The following FLYWCH1 variants were observed in gnomAD, a reference collection of about 807,000 sequenced individuals.
The protein encoded by FLYWCH1 is FLYWCH-type zinc finger 1, also known as FLYWCH-type zinc finger-containing protein 1.
In FLYWCH1, 75 loss-of-function variants were observed where a neutral mutation model predicts 66.4. The observed-to-expected ratio is 1.13, with a 90% confidence interval of 0.94 to 1.37. The LOEUF is 1.37. FLYWCH1 is among the 40% of genes most tolerant of loss of function. The pLI, the probability that FLYWCH1 is intolerant of heterozygous loss-of-function variation, is 0.00. For missense variants in FLYWCH1, 1,334 were observed against 1,001.8 expected, an observed-to-expected ratio of 1.33 and a Z score of -4.48; for synonymous variants, 595 against 429.9, an observed-to-expected ratio of 1.38 and a Z score of -4.75.
intron 9 of FLYWCH1, among the ~76,000 whole-genome samples, chr16:2,942,905 T>C (rs1032743483): frequency 2.0e-5 from 3 of 151,706 alleles, no homozygotes; most frequent in Admixed American, 6.6e-5. Flanking sequence ...TTTCGCTATG[T>C]TGGCTAGGCT....
chr16:2,923,108 T>C (rs760933248), intron 2 of FLYWCH1: 1 of 407,952 alleles, frequency 2.5e-6, no homozygotes, highest in Non-Finnish European at 4.7e-6. Flanking sequence ...GTGGCTGTTG[T>C]GAGGTTCTTT....
At chr16:2,946,876 G>A (rs1424170608) in intron 9 of FLYWCH1, among the ~76,000 whole-genome samples, 1 of 152,084 alleles carries the variant, frequency 6.6e-6, no homozygotes, top group East Asian at 1.9e-4. Context: ...TGGAGAAACT[G>A]GAACCCTCAT....
At chr16:2,931,170 G>C (rs948169244) in intron 4 of FLYWCH1, among the ~76,000 whole-genome samples, 9 of 151,858 alleles carry the variant, frequency 5.9e-5, no homozygotes, top group Non-Finnish European at 1.3e-4. Context: ...GGGCATGCTG[G>C]TGCGCACCTG....
In FLYWCH1 at chr16:2,937,276, C is replaced by G. The variant is rs759248456; in HGVS notation, c.1669C>G (p.Arg557Gly). 5.6e-6 allele frequency: 9 copies of G among 1,605,576 alleles called. No individual in the cohort carries two copies. The highest frequency in any genetic ancestry group is 5.9e-6 in the Non-Finnish European group (7 of 1,177,246). Reference sequence around the variant, plus strand: ...CCGCAGCCGCGCCATCACCCAGGGCCGGCGGGTCATGGTCATGCGCAGGCA... The same window carrying G: ...CCGCAGCCGCGCCATCACCCAGGGCGGGCGGGTCATGGTCATGCGCAGGCA... ...GCRSRAITQG[R>G]RVMVMRRHCH... The change falls in exon 7 of 10, where the codon CGG (arginine) becomes GGG (glycine). Residue 557 changes from arginine (R) to glycine (G), a missense_variant. Physicochemically the swap from Arg to Gly is moderately radical, Grantham distance 125. Coordinates refer to ENST00000253928, the MANE Select transcript of FLYWCH1 (RefSeq NM_001308068.2).
In FLYWCH1 at chr16:2,930,552, G is replaced by T; in HGVS notation, c.468G>T (p.Arg156=). The change falls in exon 4 of 10, where the codon CGG becomes CGT. Residue 156 remains arginine (R), a synonymous_variant. Transcript: ENST00000253928. ...GCCAACATGCTGAGCTGGGCTGCCG[G>T]GGCCGGGCCATCACCCGAGGCCTGC... The part of the protein sequence containing the change: ...KCRQHAELGC[R]GRAITRGLRA... The T allele has an allele frequency of 6.4e-7, 1 of 1,550,976 alleles. No homozygotes were observed. The highest frequency in any genetic ancestry group is 2.4e-5 in the East Asian group (1 of 41,768).
At chr16:2,939,263 T>C (rs890049425) in intron 8 of FLYWCH1, among the ~76,000 whole-genome samples, 1 of 152,076 alleles carries the variant, frequency 6.6e-6, no homozygotes, top group African/African-American at 2.4e-5. Flanking sequence ...CTGATCAACA[T>C]GGAGAAACCC....
At chr16:2,946,958 T>C (rs757980649) in intron 9 of FLYWCH1, among the ~76,000 whole-genome samples, 11 of 152,136 alleles carry the variant, frequency 7.2e-5, no homozygotes, top group African/African-American at 2.4e-4. Flanking sequence ...ATGTTCAACA[T>C]AGAGGTACCC....
Position 2,920,923 on chromosome 16 carries a change from C to A in FLYWCH1, c.-74+6634C>A, listed in dbSNP as rs2070350691. Among the ~76,000 whole-genome samples, 4 of 148,512 alleles carry A rather than the reference C, an allele frequency of 2.7e-5. No homozygotes were observed. In the South Asian group the frequency reaches 8.7e-4, roughly 32 times the overall value. The stretch of plus-strand genomic sequence containing the variant: ...GTGGCGCGATCTCAGCTCACTGCAA[C>A]CTCTGCCTCCCGGGTTCAAGCGATT... On this transcript the variant is annotated intron_variant, in intron 2 of 9. Coordinates refer to ENST00000253928, the MANE Select transcript of FLYWCH1 (RefSeq NM_001308068.2).
At chr16:2,944,479 A>G (rs1263702268) in intron 9 of FLYWCH1, among the ~76,000 whole-genome samples, 1 of 152,074 alleles carries the variant, frequency 6.6e-6, no homozygotes. Flanking sequence ...TAGATTATTT[A>G]CTATACTTTT....
At chr16:2,930,986 T>C (rs770220763) in intron 4 of FLYWCH1, 106 bp downstream of exon 4, 4 of 838,434 alleles carry the variant, frequency 4.8e-6, no homozygotes, top group Non-Finnish European at 7.2e-6. Context: ...TTTTAAAATG[T>C]ACTCAAAGCT....
intron 6 of FLYWCH1, chr16:2,936,114 T>A (rs1055019834): frequency 1.8e-5 from 5 of 271,270 alleles, no homozygotes; most frequent in Non-Finnish European, 3.7e-5. Flanking sequence ...GGTTTCACCA[T>A]GTTGGCCAGG....
chr16:2,933,460 G>GGGGTCC lies in FLYWCH1; in HGVS notation c.1134_1139dup (p.Gly379_Pro380dup), dbSNP rs760920704. 1.3e-5 allele frequency: 21 copies of GGGGTCC among 1,602,362 alleles called. No individual in the cohort carries two copies. In the Admixed American group the frequency reaches 3.6e-4, roughly 28 times the overall value. On this transcript the variant is annotated inframe_insertion, in exon 5 of 10. Transcript: ENST00000253928. ...GGCGTGGATAGTTTGCTCTACCGCA[G>GGGGTCC]GGGTCCGGGTCCCCTGACTCTCACC...
chr16:2,948,718 G>C lies in FLYWCH1; in HGVS notation c.2142G>C (p.Glu714Asp). The C allele has an allele frequency of 1.2e-6, 2 of 1,613,906 alleles. No individual in the cohort carries two copies. The highest frequency in any genetic ancestry group is 1.3e-5 in the African/African-American group (1 of 75,054). The change falls in exon 10 of 10, where the codon GAG becomes GAC. Residue 714 changes from glutamate to aspartate, a missense_variant. Glu to Asp is a conservative substitution (Grantham distance 45). Coordinates refer to ENST00000253928, the MANE Select transcript of FLYWCH1 (RefSeq NM_001308068.2). ...TCAAAGACGTCAGACTGGATGGCGA[G>C]TCCCAGTGAGGCGATGTGGGCAGAG... is the stretch of plus-strand genomic sequence containing the variant. ...GDIKDVRLDGESQ is the reference protein window; with the variant it reads ...GDIKDVRLDGDSQ
intron 9 of FLYWCH1, among the ~76,000 whole-genome samples, chr16:2,942,929 C>T (rs2071332870): frequency 6.6e-6 from 1 of 151,342 alleles, no homozygotes; most frequent in Non-Finnish European, 1.5e-5. Context: ...CACGAACTCC[C>T]GACCTCAAGT....
intron 9 of FLYWCH1, among the ~76,000 whole-genome samples, chr16:2,943,100 T>C (rs1176060477): frequency 2.0e-5 from 3 of 152,154 alleles, no homozygotes; most frequent in Non-Finnish European, 4.4e-5. Flanking sequence ...CATGTGATAT[T>C]TGCTGAACAC....
chr16:2,936,611 C>T (rs911022472), intron 6 of FLYWCH1: 24 of 457,288 alleles, frequency 5.2e-5, no homozygotes, highest in Admixed American at 3.1e-4. Flanking sequence ...CACAGCCACC[C>T]GCCAGGTCCT....
rs778342131 is a variant in FLYWCH1 at position 2,929,956 on chromosome 16, G to T, written c.271G>T (p.Val91Leu). Residue 91 changes from valine (V) to leucine (L), a missense_variant, in exon 3 of 10, where the codon GTG becomes TTG. Coordinates refer to ENST00000253928, the MANE Select transcript of FLYWCH1 (RefSeq NM_001308068.2). ...CCTGCCAGTTGAGGAGCAGGGAGGG[G>T]TGGTCCAGCCAGCCCTAGAGATGCC... ...QILPVEEQGG[V>L]VQPALEMPEQ... is the part of the protein sequence containing the mutation. 7.4e-6 allele frequency: 12 copies of T among 1,613,296 alleles called. No homozygotes were observed. The highest frequency in any genetic ancestry group is 9.3e-6 in the Non-Finnish European group (11 of 1,179,666).
At chr16:2,928,366 G>C (rs903216325) in intron 2 of FLYWCH1, among the ~76,000 whole-genome samples, 3 of 152,196 alleles carry the variant, frequency 2.0e-5, no homozygotes, top group African/African-American at 7.2e-5. Context: ...CCATATCTCA[G>C]GCTGTCTCAG....
At chr16:2,937,033 G>T (rs1449441225) in intron 6 of FLYWCH1, 88 bp from the exon 7 acceptor site, 4 of 1,227,154 alleles carry the variant, frequency 3.3e-6, no homozygotes, top group East Asian at 2.8e-5. Flanking sequence ...GGAGGTGTGG[G>T]CGTTGTGGGA....
Sources: gnomAD v4.1 joint callset for allele counts (sites outside exome capture counted in the v4.1 genomes callset) on GRCh38, gnomAD v4.1.1 for gene constraint, MANE v1.5 for transcripts, NCBI Gene and HGNC (gene_info 2026-07-23, HGNC 2026-07-21) for gene names.